The following MOCS1 variants were observed in gnomAD, a reference collection of about 807,000 sequenced individuals.
MOCS1 encodes the protein molybdenum cofactor biosynthesis protein 1.
Under a neutral mutation model 57.6 loss-of-function variants are expected in MOCS1, and 39 were observed. That is an observed-to-expected ratio of 0.68 (90% CI 0.52 to 0.88). The LOEUF (loss-of-function observed/expected upper bound fraction) is 0.88. Among genes scored for constraint, MOCS1 ranks in the 40% least tolerant of loss-of-function variants. The probability of loss-of-function intolerance (pLI) is 0.00; values close to 1 mark genes in which losing one functional copy is unlikely to be tolerated. For missense variants in MOCS1, 795 were observed against 831.1 expected (o/e 0.96, Z 0.53); for synonymous variants, 334 against 335.7 (o/e 1.00, Z 0.05).
rs1355783681 is a variant in MOCS1, at chr6:39,904,276, A to G, written c.*2081T>C. The G allele has an allele frequency of 2.2e-6, 1 of 456,662 alleles. No homozygotes were observed. The highest frequency in any genetic ancestry group is 2.3e-5 in the Admixed American group (1 of 42,568). The allele number at this position is 456,662 out of a possible 1,614,324, so 28.3% of individuals were successfully genotyped here. A position where few individuals can be genotyped will look rare whatever the true frequency, so the allele number is the denominator to read the frequency against. ...AGCCTTCTCACTCTAAAAGAAAGAT[A>G]TTTTTCTATTTATTTTCTACATCTG... On this transcript the variant is annotated 3_prime_UTR_variant, in exon 11 of 11. Coordinates refer to ENST00000340692, the MANE Select transcript of MOCS1 (RefSeq NM_001358530.2).
Position 39,904,695 on chromosome 6 carries a change from T to TATC in MOCS1, c.*1659_*1661dup, listed in dbSNP as rs1395853873. 6.6e-6 allele frequency: 3 copies of TATC among 453,952 alleles called. No homozygotes were observed. Among genetic ancestry groups the TATC allele is most frequent in the African/African-American group, 2.0e-5 (1 of 50,006 alleles). The allele number at this position is 453,952 out of a possible 1,614,324, so 28.1% of individuals were successfully genotyped here. On this transcript the variant is annotated 3_prime_UTR_variant, in exon 11 of 11. Coordinates refer to ENST00000340692, the MANE Select transcript of MOCS1 (RefSeq NM_001358530.2). ...CACCAACTGGGGAACTGTGACTATC[T>TATC]ATCTCCCCCGACTTCTACCAGGGAT...
intron 3 of MOCS1, among the ~76,000 whole-genome samples, chr6:39,922,919 C>T (rs1417480698): frequency 2.6e-5 from 4 of 152,216 alleles, no homozygotes; most frequent in African/African-American, 4.8e-5. Context: ...CTTCCCCCAT[C>T]CCTCCTTCCT....
chr6:39,911,957 G>A (rs189248878), intron 8 of MOCS1, among the ~76,000 whole-genome samples: 3 of 152,310 alleles, frequency 2.0e-5, no homozygotes, highest in East Asian at 1.9e-4. Context: ...TAACCATGGC[G>A]GGGGCCAGGC....
rs1767497749 is a variant in MOCS1 at position 39,913,842 on chromosome 6, G to A, written c.584-7C>T. The A allele has an allele frequency of 1.2e-6, 2 of 1,613,988 alleles. No homozygotes were observed. Among genetic ancestry groups the A allele is most frequent in the Admixed American group, 1.7e-5 (1 of 60,006 alleles). ...TCCATGACCTTGTGGAAGCCTGGGA[G>A]GGAGAAACAAGGATCCAGGAACTTC... On this transcript the variant is annotated splice_polypyrimidine_tract_variant and splice_region_variant and intron_variant, in intron 4 of 10. Coordinates refer to ENST00000340692, the MANE Select transcript of MOCS1 (RefSeq NM_001358530.2).
rs776731153 is a variant in MOCS1 at position 39,904,245 on chromosome 6, G to C, written c.*2112C>G. ...CAGAGGACACAAATACGTTGTTCCAGAGCTCAGCCTTCTCACTCTAAAAGA... is the reference window on the plus strand; with the variant it reads ...CAGAGGACACAAATACGTTGTTCCACAGCTCAGCCTTCTCACTCTAAAAGA... On this transcript the variant is annotated 3_prime_UTR_variant, in exon 11 of 11. Transcript: ENST00000340692. 18 of 456,650 alleles carry C rather than the reference G, an allele frequency of 3.9e-5. No homozygotes were observed. The highest frequency in any genetic ancestry group is 7.5e-5 in the Non-Finnish European group (17 of 226,992). 28.3% of individuals were successfully genotyped at this position (456,650 alleles called of 1,614,324 possible). A position where few individuals can be genotyped will look rare whatever the true frequency, so the allele number is the denominator to read the frequency against.
Position 39,934,341 on chromosome 6 carries a change from G to T in MOCS1, c.77C>A (p.Pro26Gln), listed in dbSNP as rs749631517. ...CTCCCCGGGGCAGGGCTGGGTCACC[G>T]GAGCCCCTGAGCTGCAGCTCCGGGC... ...SSARSCSSGAPVTQPCPGESA... is the reference protein window; with the variant it reads ...SSARSCSSGAQVTQPCPGESA... The change falls in exon 1 of 11, where the codon CCG becomes CAG. Residue 26 changes from proline (P) to glutamine (Q), a missense_variant. Coordinates refer to ENST00000340692, the MANE Select transcript of MOCS1 (RefSeq NM_001358530.2). The T allele has an allele frequency of 1.3e-5, 20 of 1,552,538 alleles. No homozygotes were observed. The Admixed American group carries it at 2.9e-4, about 22-fold the overall frequency.
Position 39,906,724 on chromosome 6 carries a change from C to T in MOCS1, c.1544G>A (p.Gly515Glu), listed in dbSNP as rs111345256. Reference sequence around the variant, plus strand: ...CTGGACAAGCTTGAAGGCTACCGGTCCCAGGAGGACCACGGCTGAAGCCAC... The same window carrying T: ...CTGGACAAGCTTGAAGGCTACCGGTTCCAGGAGGACCACGGCTGAAGCCAC... The part of the protein sequence containing the change: ...VAVASAVVLL[G>E]PVAFKLVQQN... Residue 515 changes from glycine to glutamate, a missense_variant, in exon 11 of 11, where the codon GGA becomes GAA. Around this residue, in one of 3 missense-constraint regions of MOCS1, gnomAD observed 374 missense variants for 422.6 expected, o/e 0.89. Coordinates refer to ENST00000340692, the MANE Select transcript of MOCS1 (RefSeq NM_001358530.2). 58 of 1,614,156 alleles carry T rather than the reference C, an allele frequency of 3.6e-5. 1 individual carries two copies. The South Asian group carries it at 5.8e-4, about 16-fold the overall frequency.
intron 1 of MOCS1, 120 bp downstream of exon 1, chr6:39,934,175 C>A (rs1768787581): frequency 5.3e-6 from 7 of 1,316,890 alleles, no homozygotes; most frequent in Middle Eastern, 2.0e-4. Context: ...CTGAGGAGTG[C>A]CAACGGGTCC....
At chr6:39,923,684 G>A (rs1768104483) in intron 3 of MOCS1, among the ~76,000 whole-genome samples, 4 of 152,264 alleles carry the variant, frequency 2.6e-5, no homozygotes, top group Non-Finnish European at 5.9e-5. Context: ...GCTTGCCTGG[G>A]CCAGCTCAGC....
intron 1 of MOCS1, among the ~76,000 whole-genome samples, chr6:39,929,454 C>T (rs548554716): frequency 3.9e-4 from 59 of 152,210 alleles, no homozygotes; most frequent in African/African-American, 1.3e-3. Context: ...GCAATTCAGT[C>T]ATGTTAGTCA....
intron 2 of MOCS1, among the ~76,000 whole-genome samples, chr6:39,926,182 G>A (rs1287871410): frequency 6.6e-6 from 1 of 152,236 alleles, no homozygotes; most frequent in Non-Finnish European, 1.5e-5. Flanking sequence ...CACCTGGGCA[G>A]GGGCGTTCCT....
At chr6:39,908,899 T>C in intron 10 of MOCS1, 156 bp downstream of exon 10, 1 of 725,366 alleles carries the variant, frequency 1.4e-6, no homozygotes. Flanking sequence ...CAGTAAAACC[T>C]TGAAGGTTAA....
intron 9 of MOCS1, among the ~76,000 whole-genome samples, chr6:39,909,480 C>A (rs779701585): frequency 6.6e-6 from 1 of 152,030 alleles, no homozygotes; most frequent in Non-Finnish European, 1.5e-5. Context: ...CAAGGCTGAG[C>A]CCAAAGAACA....
intron 1 of MOCS1, among the ~76,000 whole-genome samples, chr6:39,931,193 A>G (rs1337574629): frequency 6.9e-6 from 1 of 144,584 alleles, no homozygotes; most frequent in East Asian, 2.3e-4. Flanking sequence ...TGTCTACCCA[A>G]TGCAGATTAG....
intron 4 of MOCS1, among the ~76,000 whole-genome samples, chr6:39,915,280 G>C (rs1322060875): frequency 6.6e-6 from 1 of 152,164 alleles, no homozygotes; most frequent in Admixed American, 6.5e-5. Flanking sequence ...ATTAAGCAAG[G>C]CATCACACCC....
chr6:39,907,694 G>A (rs926069669), intron 10 of MOCS1, among the ~76,000 whole-genome samples: 4 of 152,162 alleles, frequency 2.6e-5, no homozygotes, highest in Non-Finnish European at 4.4e-5. Context: ...AGGGCCTAGG[G>A]AATGGTGCAG....
intron 8 of MOCS1, among the ~76,000 whole-genome samples, chr6:39,911,485 A>G (rs899647222): frequency 3.3e-5 from 5 of 152,134 alleles, no homozygotes; most frequent in African/African-American, 1.2e-4. Context: ...CTGCCATCAC[A>G]CCCAGCCTGT....
At chr6:39,927,508 G>C (rs1768394795) in intron 1 of MOCS1, 53 bp from the exon 2 acceptor site, 1 of 1,610,490 alleles carries the variant, frequency 6.2e-7, no homozygotes, top group East Asian at 2.2e-5. Flanking sequence ...GGGCTGGGAA[G>C]AGGCACAAGG....
chr6:39,918,036 G>A (rs1186208126), intron 3 of MOCS1, among the ~76,000 whole-genome samples: 1 of 152,230 alleles, frequency 6.6e-6, no homozygotes, highest in African/African-American at 2.4e-5. Flanking sequence ...AGTTATCTGT[G>A]ATCAATAGGA....
Sources: allele counts gnomAD v4.1 joint callset (sites outside exome capture counted in the v4.1 genomes callset), GRCh38; gene constraint gnomAD v4.1.1; regional missense constraint gnomAD v4.1.1; transcripts MANE v1.5; gene names NCBI Gene and HGNC (gene_info 2026-07-23, HGNC 2026-07-21).